The following DMD variants were observed in gnomAD, a reference collection of about 807,000 sequenced individuals.
The protein encoded by DMD is dystrophin.
In DMD, 63 loss-of-function variants were observed where a neutral mutation model predicts 330.1. The observed-to-expected ratio is 0.19, with a 90% CI of 0.16 to 0.24. The LOEUF is 0.24. Ranked by LOEUF, DMD falls within the 10% of genes least tolerant of loss-of-function variation. DMD has a pLI of 1.00. For missense variants in DMD, 3,344 were observed against 2,684.1 expected (o/e 1.25, Z -5.43); for synonymous variants, 1,223 against 959.8 (o/e 1.27, Z -5.07).
chrX:33,037,823 A>C (rs751196297), intron 1 of DMD, among the ~76,000 whole-genome samples: 5 of 112,447 alleles, frequency 4.4e-5, no homozygotes, highest in African/African-American at 1.6e-4. Context: ...GGTATACTAC[A>C]ATAGGAAGTA....
At chrX:31,878,491 TTTAA>T (rs750959452) in intron 47 of DMD, among the ~76,000 whole-genome samples, 213 of 112,293 alleles carry the variant, frequency 1.9e-3, no homozygotes, top group African/African-American at 6.6e-3. Flanking sequence ...GTTAAATAAC[TTTAA>T]TTAACAGACA....
chrX:31,240,521 T>C (rs1244035015), intron 63 of DMD, among the ~76,000 whole-genome samples: 1 of 111,678 alleles, frequency 9.0e-6, no homozygotes, highest in African/African-American at 3.3e-5. Context: ...AAGATTTCTC[T>C]ATCTGGGATT....
chrX:33,216,043 T>A (rs1008506945), upstream of DMD, among the ~76,000 whole-genome samples: 1 of 112,171 alleles, frequency 8.9e-6, no homozygotes, highest in African/African-American at 3.2e-5. Flanking sequence ...TAGTCTTTTC[T>A]AATGAAAATG....
At chrX:31,155,300 C>T (rs1198875742) in intron 74 of DMD, among the ~76,000 whole-genome samples, 2 of 112,742 alleles carry the variant, frequency 1.8e-5, no homozygotes, top group Admixed American at 9.4e-5. Context: ...AGCTTCCCTA[C>T]TACGTGTAGT....
At chrX:31,716,793 TTATAAC>T (rs760561657) in intron 52 of DMD, among the ~76,000 whole-genome samples, 120 of 106,549 alleles carry the variant, frequency 1.1e-3, no homozygotes, top group African/African-American at 3.7e-3. Flanking sequence ...AGCATGTACT[TTATAAC>T]TATCTACATG....
chrX:33,010,198 G>GTA (rs1291232624), intron 2 of DMD, among the ~76,000 whole-genome samples: 4 of 96,922 alleles, frequency 4.1e-5, no homozygotes, highest in East Asian at 3.6e-4. Context: ...ATGTATATAT[G>GTA]CATATGTGTG....
chrX:33,142,510 A>G (rs1367841886), intron 1 of DMD, among the ~76,000 whole-genome samples: 1 of 112,699 alleles, frequency 8.9e-6, no homozygotes, highest in Non-Finnish European at 1.9e-5. Flanking sequence ...TTTGTGTGAA[A>G]CATACCAAAG....
intron 1 of DMD, among the ~76,000 whole-genome samples, chrX:33,078,146 G>A (rs771347491): frequency 9.0e-6 from 1 of 111,229 alleles, no homozygotes; most frequent in African/African-American, 3.3e-5. Context: ...AGATAACTTG[G>A]GGTTCCTGGG....
At chrX:33,077,578 T>C (rs1219926251) in intron 1 of DMD, among the ~76,000 whole-genome samples, 1 of 111,432 alleles carries the variant, frequency 9.0e-6, no homozygotes, top group Non-Finnish European at 1.9e-5. Flanking sequence ...TTTGCAACTG[T>C]TTGAGTGGAT....
chrX:33,213,257 C>T (rs2051985385), upstream of DMD, among the ~76,000 whole-genome samples: 1 of 111,563 alleles, frequency 9.0e-6, no homozygotes, highest in Non-Finnish European at 1.9e-5. Context: ...TCTAAAGCAC[C>T]AAATCCTGAT....
chrX:32,011,801 T>G (rs1185863016), intron 44 of DMD, among the ~76,000 whole-genome samples: 2 of 111,762 alleles, frequency 1.8e-5, no homozygotes, highest in Non-Finnish European at 3.8e-5. Flanking sequence ...CTTTTCTCGT[T>G]TGGCTTCTCA....
At chrX:31,716,236 G>C (rs2085035798) in intron 52 of DMD, among the ~76,000 whole-genome samples, 1 of 112,106 alleles carries the variant, frequency 8.9e-6, no homozygotes, top group Non-Finnish European at 1.9e-5. Flanking sequence ...TTTCCTACTC[G>C]AATGGTGTTT....
intron 44 of DMD, among the ~76,000 whole-genome samples, chrX:32,159,132 C>A (rs2096840130): frequency 8.9e-6 from 1 of 112,063 alleles, no homozygotes; most frequent in Non-Finnish European, 1.9e-5. Context: ...CTTCATACTC[C>A]CAATGAAATC....
At chrX:32,723,410 C>G (rs770779830) in intron 7 of DMD, among the ~76,000 whole-genome samples, 2 of 111,038 alleles carry the variant, frequency 1.8e-5, no homozygotes, top group African/African-American at 6.5e-5. Context: ...GTTTGACTTT[C>G]GTATTTAGGG....
chrX:32,378,958 G>A (rs920096201), intron 34 of DMD, among the ~76,000 whole-genome samples: 2 of 109,047 alleles, frequency 1.8e-5, no homozygotes, highest in Non-Finnish European at 3.8e-5. Flanking sequence ...TCATAAATGT[G>A]ACTGGCTTAG....
intron 43 of DMD, among the ~76,000 whole-genome samples, chrX:32,234,577 T>C (rs1478367557): frequency 3.6e-5 from 4 of 111,956 alleles, no homozygotes; most frequent in Non-Finnish European, 7.5e-5. Flanking sequence ...AATAACATTT[T>C]TAAAAATTAC....
At chrX:33,088,390 T>C (rs2095037851) in intron 1 of DMD, among the ~76,000 whole-genome samples, 1 of 112,323 alleles carries the variant, frequency 8.9e-6, no homozygotes, top group African/African-American at 3.2e-5. Context: ...TCTGCCTTAC[T>C]GTGAATTCCA....
Position 32,459,138 on chromosome X carries a change from G to C in DMD, c.3432+4301C>G, listed in dbSNP as rs143121746. Among the ~76,000 whole-genome samples, 154 of 110,898 alleles carry C rather than the reference G, an allele frequency of 1.4e-3. 2 individuals are homozygous for C. The East Asian group carries it at 0.031, about 22-fold the overall frequency. On this transcript the variant is annotated intron_variant, in intron 25 of 78. Transcript: ENST00000357033. ...TACTGTATTGTTAAAAATATTCCAAGAGGATAGATCTTAGGAGCTCTTATC... is the reference window on the plus strand; with the variant it reads ...TACTGTATTGTTAAAAATATTCCAACAGGATAGATCTTAGGAGCTCTTATC...
At chrX:32,555,709 A>C (rs928808270) in intron 16 of DMD, among the ~76,000 whole-genome samples, 19 of 111,761 alleles carry the variant, frequency 1.7e-4, no homozygotes, top group Non-Finnish European at 3.6e-4. Flanking sequence ...GACAAACCTG[A>C]AAAAACAAGC....
Sources: gnomAD v4.1 joint callset for allele counts (sites outside exome capture counted in the v4.1 genomes callset) on GRCh38, gnomAD v4.1.1 for gene constraint, MANE v1.5 for transcripts, NCBI Gene and HGNC (gene_info 2026-07-23, HGNC 2026-07-21) for gene names.